PCDHGB3: variants seen among roughly 807,000 people sequenced by gnomAD.
The protein encoded by PCDHGB3 is protocadherin gamma-B3.
A neutral mutation model predicts 59.2 loss-of-function variants in PCDHGB3; 40 were observed. The ratio of observed to expected loss-of-function variants is 0.68; its 90% CI spans 0.52 to 0.88. The LOEUF is 0.88. Ranked by LOEUF, PCDHGB3 falls within the 40% of genes least tolerant of loss-of-function variation. The pLI, the probability that PCDHGB3 is intolerant of heterozygous loss-of-function variation, is 0.00. For synonymous variants in PCDHGB3, 581 were observed against 503.6 expected (o/e 1.15, Z -2.06); for missense variants, 1,309 against 1,187.9 (o/e 1.10, Z -1.50).
chr5:141,408,985 G>A, intron 1 of PCDHGB3: 1 of 1,613,966 alleles, frequency 6.2e-7, no homozygotes, highest in South Asian at 1.1e-5. Context: ...GGTCCCCTGT[G>A]TTGCAAGTGA....
intron 1 of PCDHGB3, chr5:141,404,489 G>C: frequency 6.2e-7 from 1 of 1,613,796 alleles, no homozygotes; most frequent in Non-Finnish European, 8.5e-7. Flanking sequence ...AGACACTGGT[G>C]TGCTGTATGC....
chr5:141,371,221 A>C lies in PCDHGB3; in HGVS notation c.827A>C (p.Glu276Ala), dbSNP rs769598930. 3 of 1,614,064 alleles carry C rather than the reference A, an allele frequency of 1.9e-6. No individual in the cohort carries two copies. Among genetic ancestry groups the C allele is most frequent in the Non-Finnish European group, 1.7e-6 (2 of 1,179,900 alleles). The change falls in exon 1 of 4, where the codon GAA becomes GCA. Residue 276 changes from glutamate to alanine, a missense_variant. Physicochemically the swap from Glu to Ala is moderately radical, Grantham distance 107. Transcript: ENST00000576222. ...AIDMDEGINAEIIYAFINIGK... is the reference protein window; with the variant it reads ...AIDMDEGINAAIIYAFINIGK... Reference sequence around the variant, plus strand: ...GACATGGATGAGGGCATCAATGCCGAAATCATCTATGCCTTCATCAATATT... The same window carrying C: ...GACATGGATGAGGGCATCAATGCCGCAATCATCTATGCCTTCATCAATATT...
chr5:141,413,045 G>A, intron 1 of PCDHGB3: 1 of 894,362 alleles, frequency 1.1e-6, no homozygotes, highest in South Asian at 1.9e-5. Flanking sequence ...CTGGGCTGCA[G>A]GGAAGCTCAC....
At position 141,511,426 on chromosome 5, in the gene PCDHGB3, G is replaced by C. The variant is rs2099883789; in HGVS notation, c.*253G>C. 2.5e-6 allele frequency: 2 copies of C among 798,652 alleles called. No homozygotes were observed. The highest frequency in any genetic ancestry group is 3.8e-6 in the Non-Finnish European group (2 of 529,972). 49.5% of individuals were successfully genotyped at this position (798,652 alleles called of 1,614,324 possible). ...CAACTGCTGTACCCATGGGGGTAGTGGGGTTACTGTAGACACCAAGAACCA... is the reference window on the plus strand; with the variant it reads ...CAACTGCTGTACCCATGGGGGTAGTCGGGTTACTGTAGACACCAAGAACCA... On this transcript the variant is annotated 3_prime_UTR_variant, in exon 4 of 4. Transcript: ENST00000576222.
In PCDHGB3 at chr5:141,431,059, C is replaced by G. The variant is rs367774626; in HGVS notation, c.2415+58250C>G. ...GGGAGGAGCTCTGTATGGGGGCCAT[C>G]AAGTGTCAATTAAATCTAGACATTC... On this transcript the variant is annotated intron_variant, in intron 1 of 3. Coordinates refer to ENST00000576222, the MANE Select transcript of PCDHGB3 (RefSeq NM_018924.5). This position sits in a 1 kb window ranked among gnomAD's most constrained non-coding sequence, Gnocchi z 4.8. 1 of 1,614,136 alleles carries G rather than the reference C, an allele frequency of 6.2e-7. No individual in the cohort carries two copies.
intron 1 of PCDHGB3, chr5:141,415,851 T>A: frequency 8.1e-7 from 1 of 1,228,614 alleles, no homozygotes; most frequent in Non-Finnish European, 1.1e-6. Flanking sequence ...TTGCAGAACC[T>A]TGTAGTTTAT....
At chr5:141,385,585 C>G (rs1051281848) in intron 1 of PCDHGB3, 41 of 1,267,842 alleles carry the variant, frequency 3.2e-5, no homozygotes, top group Admixed American at 1.9e-4. Context: ...AATCTATGTT[C>G]CAACCTACTT....
chr5:141,376,207 C>T lies in PCDHGB3; in HGVS notation c.2415+3398C>T. On this transcript the variant is annotated intron_variant, in intron 1 of 3. Coordinates refer to ENST00000576222, the MANE Select transcript of PCDHGB3 (RefSeq NM_018924.5). ...TCTCCTGCGTCTTCCTGGCCTTCGT[C>T]ATCGTGCTGCTGGCGCTCAGACTGC... 1.9e-6 allele frequency: 3 copies of T among 1,614,208 alleles called. No homozygotes were observed. The African/African-American group carries it at 4.0e-5, about 22-fold the overall frequency.
intron 1 of PCDHGB3, chr5:141,415,051 C>G: frequency 6.2e-7 from 1 of 1,613,458 alleles, no homozygotes; most frequent in Non-Finnish European, 8.5e-7. Context: ...GGTGGGGGAG[C>G]ACACGGGCGA....
At position 141,371,741 on chromosome 5, in the gene PCDHGB3, T is replaced by TC. The variant is rs1767992847; in HGVS notation, c.1350dup (p.Val451ArgfsTer13). On this transcript the variant is annotated frameshift_variant, in exon 1 of 4. Transcript: ENST00000576222. LOFTEE classifies it high-confidence loss of function. The stretch of plus-strand genomic sequence containing the variant: ...ACATCCTTGATGTCAACGACAACGT[T>TC]CCCGTTTTCCACCAGGCCTCCTACA... The TC allele has an allele frequency of 1.2e-6, 2 of 1,614,004 alleles. No individual in the cohort carries two copies. Among genetic ancestry groups the TC allele is most frequent in the South Asian group, 2.2e-5 (2 of 91,082 alleles).
intron 2 of PCDHGB3, among the ~76,000 whole-genome samples, chr5:141,495,968 CTGTTACTCTTTCTT>C (rs1033811907): frequency 6.6e-6 from 1 of 152,126 alleles, no homozygotes; most frequent in African/African-American, 2.4e-5. Context: ...GCCTCTTTCT[CTGTTACTCTTTCTT>C]TATCTCTCTT....
chr5:141,497,005 A>T (rs1249733879), intron 2 of PCDHGB3, among the ~76,000 whole-genome samples: 1 of 152,134 alleles, frequency 6.6e-6, no homozygotes, highest in Non-Finnish European at 1.5e-5. Context: ...GGCAGCCAAC[A>T]TGGTGAAACC....
In PCDHGB3 at chr5:141,489,906, C is replaced by T. The variant is rs550717535; in HGVS notation, c.2416-4901C>T. On this transcript the variant is annotated intron_variant, in intron 1 of 3. Transcript: ENST00000576222. The surrounding 1 kb of genome is among the most constrained non-coding windows in gnomAD (Gnocchi z 4.5). ...CTGTGGATGGGGGGACCCCAGCCCG[C>T]TCAGGGACCACCCTTATCTCTGTCA... 4.5e-5 allele frequency: 72 copies of T among 1,614,234 alleles called. No individual in the cohort carries two copies. In the African/African-American group the frequency reaches 5.6e-4, roughly 13 times the overall value.
intron 1 of PCDHGB3, chr5:141,418,431 A>T (rs751083183): frequency 1.9e-6 from 3 of 1,614,000 alleles, no homozygotes; most frequent in East Asian, 2.2e-5. Flanking sequence ...GGTGGCAAAT[A>T]TCCAGAATTA....
rs373297942 is a variant in PCDHGB3, at chr5:141,431,494, C to T, written c.2415+58685C>T. On this transcript the variant is annotated intron_variant, in intron 1 of 3. Coordinates refer to ENST00000576222, the MANE Select transcript of PCDHGB3 (RefSeq NM_018924.5). This position sits in a 1 kb window ranked among gnomAD's most constrained non-coding sequence, Gnocchi z 4.8. ...ACAACGCACCAGCGTTTGCTCAGCC[C>T]GAGTACCGCGCGAGCGTTCCGGAGA... 107 of 1,613,838 alleles carry T rather than the reference C, an allele frequency of 6.6e-5. No homozygotes were observed. Among genetic ancestry groups the T allele is most frequent in the Middle Eastern group, 1.6e-4 (1 of 6,084 alleles).
intron 1 of PCDHGB3, chr5:141,409,879 A>G (rs1175297210): frequency 1.9e-6 from 3 of 1,612,734 alleles, no homozygotes; most frequent in African/African-American, 2.7e-5. Flanking sequence ...ATGACAACGC[A>G]CCGCGGGTGC....
intron 1 of PCDHGB3, among the ~76,000 whole-genome samples, chr5:141,435,590 A>G (rs1005651004): frequency 3.3e-5 from 5 of 152,210 alleles, no homozygotes; most frequent in African/African-American, 7.2e-5. Context: ...TTGCAGTAAT[A>G]TCGCCTGCTT....
chr5:141,494,234 A>G (rs1299510042), intron 1 of PCDHGB3, among the ~76,000 whole-genome samples: 1 of 152,138 alleles, frequency 6.6e-6, no homozygotes, highest in Non-Finnish European at 1.5e-5. Context: ...CTAAATTAAT[A>G]ATGTATTTAG....
chr5:141,494,778 C>CA, intron 1 of PCDHGB3, 29 bp from the exon 2 acceptor site: 1 of 1,614,086 alleles, frequency 6.2e-7, no homozygotes, highest in Non-Finnish European at 8.5e-7. Context: ...CACGGGTACT[C>CA]AGCCCCTTTC....
Sources: allele counts gnomAD v4.1 joint callset (sites outside exome capture counted in the v4.1 genomes callset), GRCh38; gene constraint gnomAD v4.1.1; non-coding constraint Gnocchi (gnomAD v3.1); transcripts MANE v1.5; gene names NCBI Gene and HGNC (gene_info 2026-07-23, HGNC 2026-07-21).